The following IGF2BP2 variants were observed in gnomAD, a reference collection of about 807,000 sequenced individuals.
The protein encoded by IGF2BP2 is insulin-like growth factor 2 mRNA-binding protein 2.
IGF2BP2 carries 17 observed loss-of-function variants against 75.8 expected under a neutral mutation model. That is an observed-to-expected ratio of 0.22 (90% CI 0.15 to 0.34). IGF2BP2 has a LOEUF of 0.34. Ranked by LOEUF, IGF2BP2 falls within the 10% of genes least tolerant of loss-of-function variation. The pLI is 1.00. For missense variants in IGF2BP2, 516 were observed against 772.4 expected (o/e 0.67, Z 3.93); for synonymous variants, 288 against 295.6 (o/e 0.97, Z 0.26).
chr3:185,675,785 G>T lies in IGF2BP2; in HGVS notation c.935+6C>A, dbSNP rs746099344. The T allele has an allele frequency of 6.2e-7, 1 of 1,611,978 alleles. No homozygotes were observed. Among genetic ancestry groups the T allele is most frequent in the South Asian group, 1.1e-5 (1 of 90,912 alleles). ...TGGGCATGAGTAATCTGAGTAAGTG[G>T]CTTACGATGAGATTGTTATCTTGGT... On this transcript the variant is annotated splice_donor_region_variant and intron_variant, in intron 8 of 15. Coordinates refer to ENST00000382199, the MANE Select transcript of IGF2BP2 (RefSeq NM_006548.6).
At chr3:185,763,701 A>T (rs1732675674) in intron 2 of IGF2BP2, among the ~76,000 whole-genome samples, 1 of 152,372 alleles carries the variant, frequency 6.6e-6, no homozygotes, top group East Asian at 1.9e-4. Context: ...CAGACAGCCA[A>T]GGTATACTAG....
At position 185,645,777 on chromosome 3, in the gene IGF2BP2, C is replaced by A. The variant is rs1470547545; in HGVS notation, c.1708-154G>T. ...CCACCCCCGCACGTTACTCCAGGCC[C>A]TTTTCTGCCTGGAAGTAAGTGGCAG... On this transcript the variant is annotated intron_variant, in intron 15 of 15. Transcript: ENST00000382199. This position sits in a 1 kb window ranked among gnomAD's most constrained non-coding sequence, Gnocchi z 4.9. Among the ~76,000 whole-genome samples, 1 of 152,026 alleles carries A rather than the reference C, an allele frequency of 6.6e-6. No individual in the cohort carries two copies. The highest frequency in any genetic ancestry group is 1.5e-5 in the Non-Finnish European group (1 of 67,998).
intron 2 of IGF2BP2, among the ~76,000 whole-genome samples, chr3:185,784,063 G>A (rs918232812): frequency 7.9e-5 from 12 of 152,058 alleles, no homozygotes; most frequent in African/African-American, 2.2e-4. Context: ...GGTGAACTTC[G>A]TCTCTACTGA....
At chr3:185,742,607 T>G (rs1729715403) in intron 2 of IGF2BP2, among the ~76,000 whole-genome samples, 1 of 151,492 alleles carries the variant, frequency 6.6e-6, no homozygotes, top group African/African-American at 2.4e-5. Context: ...CGGTGAGCTA[T>G]GATCACCCCA....
At chr3:185,673,530 G>A (rs1718849397) in intron 9 of IGF2BP2, among the ~76,000 whole-genome samples, 1 of 152,060 alleles carries the variant, frequency 6.6e-6, no homozygotes, top group South Asian at 2.1e-4. Flanking sequence ...TTTCTACATG[G>A]GGATGGTCAC....
chr3:185,793,132 AATT>A, intron 2 of IGF2BP2, among the ~76,000 whole-genome samples: 1 of 152,170 alleles, frequency 6.6e-6, no homozygotes, highest in East Asian at 1.9e-4. Flanking sequence ...CTTACTGCGC[AATT>A]ATATGGCTTC....
At chr3:185,694,396 A>AT (rs1404991243) in intron 4 of IGF2BP2, among the ~76,000 whole-genome samples, 2 of 152,240 alleles carry the variant, frequency 1.3e-5, no homozygotes, top group Non-Finnish European at 2.9e-5. Context: ...TCTTAGTCAT[A>AT]TGCTCTGTTC....
chr3:185,704,996 T>A (rs1438314336), intron 2 of IGF2BP2, among the ~76,000 whole-genome samples: 2 of 152,224 alleles, frequency 1.3e-5, no homozygotes, highest in African/African-American at 4.8e-5. Flanking sequence ...TGGGGTATTT[T>A]TTAAGAGAAA....
chr3:185,776,237 C>T lies in IGF2BP2; in HGVS notation c.239+46916G>A, dbSNP rs956231043. 2.2e-4 allele frequency among the ~76,000 whole-genome samples: 34 copies of T among 152,114 alleles called. 1 individual carries two copies. The highest frequency in any genetic ancestry group is 5.9e-5 in the Non-Finnish European group (4 of 68,028). Reference sequence around the variant, plus strand: ...TCCAGCCTGTGTGAAAGAAGTGAGACTCTGCCTCTAAAAAAATAATAAATA... The same window carrying T: ...TCCAGCCTGTGTGAAAGAAGTGAGATTCTGCCTCTAAAAAAATAATAAATA... On this transcript the variant is annotated intron_variant, in intron 2 of 15. Coordinates refer to ENST00000382199, the MANE Select transcript of IGF2BP2 (RefSeq NM_006548.6).
intron 14 of IGF2BP2, among the ~76,000 whole-genome samples, chr3:185,648,463 CAAA>C (rs560603469): frequency 1.6e-4 from 8 of 51,356 alleles, no homozygotes; most frequent in African/African-American, 4.3e-4. Flanking sequence ...AACTCTGTCT[CAAA>C]AAAAAAAAAA....
rs75486948 is a variant in IGF2BP2 at position 185,811,891 on chromosome 3, C to A, written c.239+11262G>T. 2.3e-4 allele frequency among the ~76,000 whole-genome samples: 33 copies of A among 143,780 alleles called. 1 individual carries two copies. The highest frequency in any genetic ancestry group is 7.0e-4 in the African/African-American group (28 of 40,088). The allele number at this position is 143,780 out of a possible 152,430, so 94.3% of individuals were successfully genotyped here. On this transcript the variant is annotated intron_variant, in intron 2 of 15. Coordinates refer to ENST00000382199, the MANE Select transcript of IGF2BP2 (RefSeq NM_006548.6). ...CTCTCTCTCTCTCCCCCTCTCCCTG[C>A]CTGGGCATCAGAACCTCTCAGGGGA... is the stretch of plus-strand genomic sequence containing the variant.
intron 13 of IGF2BP2, among the ~76,000 whole-genome samples, chr3:185,650,055 T>C (rs1278668222): frequency 6.6e-6 from 1 of 151,392 alleles, no homozygotes; most frequent in Non-Finnish European, 1.5e-5. Context: ...CAGGTTGGAG[T>C]GCAGTGGCAC....
At chr3:185,814,798 C>A (rs768235467) in intron 2 of IGF2BP2, among the ~76,000 whole-genome samples, 1 of 152,040 alleles carries the variant, frequency 6.6e-6, no homozygotes, top group Non-Finnish European at 1.5e-5. Context: ...ATAAAAGTAA[C>A]AAATGCATAA....
intron 2 of IGF2BP2, among the ~76,000 whole-genome samples, chr3:185,709,808 G>C (rs903407158): frequency 4.6e-5 from 7 of 152,120 alleles, no homozygotes; most frequent in Admixed American, 1.3e-4. Flanking sequence ...TCACACAAGA[G>C]AGCACCATCT....
At chr3:185,815,321 A>T (rs1740459905) in intron 2 of IGF2BP2, among the ~76,000 whole-genome samples, 1 of 152,104 alleles carries the variant, frequency 6.6e-6, no homozygotes, top group Non-Finnish European at 1.5e-5. Context: ...ATATATGGAA[A>T]TTTTCTCTTA....
At chr3:185,750,321 T>C (rs549699200) in intron 2 of IGF2BP2, among the ~76,000 whole-genome samples, 11 of 152,316 alleles carry the variant, frequency 7.2e-5, no homozygotes, top group Admixed American at 2.0e-4. Context: ...TGGGAATTTA[T>C]TATCTGTTGA....
chr3:185,684,356 C>A (rs1720809498), intron 7 of IGF2BP2, among the ~76,000 whole-genome samples: 1 of 152,064 alleles, frequency 6.6e-6, no homozygotes, highest in Admixed American at 6.6e-5. Flanking sequence ...CCTTCAGTTA[C>A]ATGTCATCAT....
chr3:185,674,674 G>GTAAC (rs1187172487), intron 9 of IGF2BP2, among the ~76,000 whole-genome samples: 1 of 152,116 alleles, frequency 6.6e-6, no homozygotes, highest in African/African-American at 2.4e-5. Flanking sequence ...AATTTAAAAA[G>GTAAC]TAACAGGACA....
At chr3:185,735,302 C>A (rs1299654094) in intron 2 of IGF2BP2, among the ~76,000 whole-genome samples, 2 of 152,084 alleles carry the variant, frequency 1.3e-5, no homozygotes, top group East Asian at 3.9e-4. Context: ...TTAGCCACCA[C>A]ACCAGGCTAA....
Sources: gnomAD v4.1 joint callset for allele counts (sites outside exome capture counted in the v4.1 genomes callset) on GRCh38, gnomAD v4.1.1 for gene constraint, Gnocchi (gnomAD v3.1) non-coding constraint, MANE v1.5 for transcripts, NCBI Gene and HGNC (gene_info 2026-07-23, HGNC 2026-07-21) for gene names.